Variants in ANKS3 observed in about 807,000 individuals in gnomAD.
ANKS3 encodes the protein ankyrin repeat and sterile alpha motif domain containing 3, also known as ankyrin repeat and SAM domain-containing protein 3.
In ANKS3, 62 loss-of-function variants were observed where a neutral mutation model predicts 80.7. That is an observed-to-expected ratio of 0.77 (90% CI 0.63 to 0.95). The LOEUF (loss-of-function observed/expected upper bound fraction) is 0.95. ANKS3 is among the 40% of genes least tolerant of loss of function. The probability of loss-of-function intolerance (pLI) is 0.00; values close to 1 mark genes in which losing one functional copy is unlikely to be tolerated. For synonymous variants in ANKS3, 489 were observed against 355.3 expected, an observed-to-expected ratio of 1.38 and a Z score of -4.23; for missense variants, 1,150 against 883.6, an observed-to-expected ratio of 1.30 and a Z score of -3.82.
At chr16:4,707,591 C>T (rs1046904502) in intron 7 of ANKS3, among the ~76,000 whole-genome samples, 2 of 152,108 alleles carry the variant, frequency 1.3e-5, no homozygotes, top group Non-Finnish European at 2.9e-5. Context: ...AAGGACACTT[C>T]TAATACTAAA....
chr16:4,696,928 G>T, intron 17 of ANKS3, 32 bp from the exon 18 acceptor site: 1 of 1,187,982 alleles, frequency 8.4e-7, no homozygotes, highest in Non-Finnish European at 1.2e-6. Context: ...AGAAGGGAGG[G>T]GGACAGGTGG....
chr16:4,732,889 T>A (rs2081723754), intron 1 of ANKS3, among the ~76,000 whole-genome samples: 1 of 151,846 alleles, frequency 6.6e-6, no homozygotes, highest in African/African-American at 2.4e-5. Flanking sequence ...TATTCAGCCA[T>A]AAAAAAAGAA....
Position 4,698,909 on chromosome 16 carries a change from G to T in ANKS3, c.1442C>A (p.Ala481Asp). ...LFGPKRKMTS[A>D]IARWHSSARP... ...GGCACTGCTGTGCCAGCGGGCAATG[G>T]CGGACGTCATCTTCCTCTTGGGCCC... is the stretch of plus-strand genomic sequence containing the variant. The change falls in exon 13 of 18, where the codon GCC becomes GAC. Residue 481 changes from alanine to aspartate, a missense_variant. Transcript: ENST00000304283. 6.3e-7 allele frequency: 1 copy of T among 1,599,286 alleles called. No homozygotes were observed. The highest frequency in any genetic ancestry group is 8.5e-7 in the Non-Finnish European group (1 of 1,171,282).
At chr16:4,703,096 A>C (rs2080004091) in intron 8 of ANKS3, among the ~76,000 whole-genome samples, 1 of 152,228 alleles carries the variant, frequency 6.6e-6, no homozygotes, top group Non-Finnish European at 1.5e-5. Flanking sequence ...TCTAATCAGC[A>C]CATGCTATTT....
intron 10 of ANKS3, 123 bp from the exon 11 acceptor site, chr16:4,701,257 C>T: frequency 2.0e-6 from 3 of 1,493,718 alleles, no homozygotes; most frequent in East Asian, 4.6e-5. Flanking sequence ...CACACAGGGG[C>T]TTCCGGTGCG....
intron 6 of ANKS3, among the ~76,000 whole-genome samples, chr16:4,716,236 T>C (rs191586565): frequency 0.012 from 1,801 of 151,410 alleles, 44 homozygotes; most frequent in African/African-American, 0.041. Context: ...GGTGGGCACC[T>C]GCAGTCCCAG....
Position 4,702,133 on chromosome 16 carries a change from A to G in ANKS3, c.978T>C (p.Asp326=), listed in dbSNP as rs841210. ...TGCTGCTGCTGCTGCTGCTCTCCAC[A>G]TCCCGCTCATTGATGGGGGAGGTGA... is the stretch of plus-strand genomic sequence containing the variant. ...RDVTSPINER[D]VESSSSSSSR... The change falls in exon 9 of 18, where the codon GAT becomes GAC. Residue 326 remains aspartate, a synonymous_variant. Coordinates refer to ENST00000304283, the MANE Select transcript of ANKS3 (RefSeq NM_133450.4). The G allele has an allele frequency of 0.56, 898,060 of 1,593,846 alleles. 254,910 individuals carry two copies. Among genetic ancestry groups the G allele is most frequent in the East Asian group, 0.66 (28,964 of 43,638 alleles).
intron 6 of ANKS3, among the ~76,000 whole-genome samples, chr16:4,717,072 T>C (rs1015975579): frequency 1.3e-5 from 2 of 148,816 alleles, no homozygotes; most frequent in African/African-American, 5.0e-5. Flanking sequence ...TAAAACCCCA[T>C]CTCTACTAAA....
At chr16:4,705,325 G>A (rs373107326) in intron 7 of ANKS3, 72 bp from the exon 8 acceptor site, 83 of 1,535,316 alleles carry the variant, frequency 5.4e-5, no homozygotes, top group East Asian at 5.3e-4. Flanking sequence ...ACGGCAAACT[G>A]AAAGAAAGTG....
At position 4,701,534 on chromosome 16, in the gene ANKS3, G is replaced by C; in HGVS notation, c.1019C>G (p.Ala340Gly). Residue 340 changes from alanine to glycine, a missense_variant, in exon 10 of 18, where the codon GCT becomes GGT. By Grantham distance (60) the Ala-to-Gly change is moderately conservative. Transcript: ENST00000304283. ...GACGGGCCCCAGGTTGGCACAGAAA[G>C]CATGTTCCTCTGAGGGCGGGAAGAC... ...SSSSSSREEH[A>G]FCANLGPVQS... 6.2e-7 allele frequency: 1 copy of C among 1,610,040 alleles called. No homozygotes were observed.
chr16:4,722,656 G>A (rs958372680), intron 6 of ANKS3, among the ~76,000 whole-genome samples: 2 of 151,686 alleles, frequency 1.3e-5, no homozygotes, highest in Admixed American at 6.6e-5. Context: ...AGTGGCTTAT[G>A]CCTGTAATCC....
chr16:4,699,257 C>A, intron 11 of ANKS3, 81 bp from the exon 12 acceptor site: 1 of 1,535,258 alleles, frequency 6.5e-7, no homozygotes, highest in Non-Finnish European at 8.8e-7. Context: ...GGAGCCCCAC[C>A]ACTTCCCCAG....
chr16:4,696,838 T>G lies in ANKS3; in HGVS notation c.*70A>C. ...CTGCACATGGCAGCTACCTGCTCACTGTCCTCCTCACTCCCTGGCACACAG... is the reference window on the plus strand; with the variant it reads ...CTGCACATGGCAGCTACCTGCTCACGGTCCTCCTCACTCCCTGGCACACAG... On this transcript the variant is annotated 3_prime_UTR_variant, in exon 18 of 18. Transcript: ENST00000304283. 1 of 648,950 alleles carries G rather than the reference T, an allele frequency of 1.5e-6. No homozygotes were observed. The highest frequency in any genetic ancestry group is 2.7e-6 in the Non-Finnish European group (1 of 371,942). 40.2% of individuals were successfully genotyped at this position (648,950 alleles called of 1,614,324 possible).
Position 4,699,096 on chromosome 16 carries a change from G to T in ANKS3, c.1365C>A (p.Ile455=). Residue 455 remains isoleucine, a synonymous_variant, in exon 12 of 18, where the codon ATC becomes ATA. Transcript: ENST00000304283. Reference sequence around the variant, plus strand: ...GGTCGCTCTCAGTGAGGGTCAGAAAGATGCGGAGGTCCACGTCCTGCTCCT... The same window carrying T: ...GGTCGCTCTCAGTGAGGGTCAGAAATATGCGGAGGTCCACGTCCTGCTCCT... The part of the protein sequence containing the change: ...VFEEQDVDLR[I]FLTLTESDLK... The T allele has an allele frequency of 1.2e-6, 2 of 1,614,202 alleles. No homozygotes were observed. The highest frequency in any genetic ancestry group is 1.7e-6 in the Non-Finnish European group (2 of 1,180,046).
chr16:4,703,842 T>C (rs1371536431), intron 8 of ANKS3, among the ~76,000 whole-genome samples: 4 of 151,734 alleles, frequency 2.6e-5, no homozygotes, highest in Admixed American at 2.0e-4. Context: ...TCTCTGTGGA[T>C]ACATACAAAG....
chr16:4,698,418 G>T lies in ANKS3; in HGVS notation c.1724+9C>A. On this transcript the variant is annotated intron_variant, in intron 14 of 17. Transcript: ENST00000304283. ...GAGACCCAGCCCAGGGCAGCTCAGA[G>T]CCACTCACCGCAGCTGGTCCAGGAC... is the stretch of plus-strand genomic sequence containing the variant. 6.6e-7 allele frequency: 1 copy of T among 1,505,532 alleles called. No individual in the cohort carries two copies. The allele number at this position is 1,505,532 out of a possible 1,614,324, so 93.3% of individuals were successfully genotyped here.
At chr16:4,731,859 C>G (rs576151904) in intron 1 of ANKS3, among the ~76,000 whole-genome samples, 1 of 152,138 alleles carries the variant, frequency 6.6e-6, no homozygotes, top group East Asian at 1.9e-4. Flanking sequence ...CCAGGAATCC[C>G]CAAATCAAGG....
chr16:4,699,432 A>C (rs1288387268), intron 11 of ANKS3: 2 of 525,878 alleles, frequency 3.8e-6, no homozygotes, highest in Non-Finnish European at 6.9e-6. Flanking sequence ...CTCCTCCCAC[A>C]CATGCTCAGT....
In ANKS3 at chr16:4,726,694, C is replaced by G. The variant is rs1338862896; in HGVS notation, c.456G>C (p.Arg152Ser). 6.2e-7 allele frequency: 1 copy of G among 1,614,216 alleles called. No individual in the cohort carries two copies. The highest frequency in any genetic ancestry group is 8.5e-7 in the Non-Finnish European group (1 of 1,180,026). ...CTSAGHQHMV[R>S]FLLDSGANAN... ...CATTGGCTCCACTGTCCAAGAGGAACCTGACCATGTGCTGGTGCCCGGCGC... is the reference window on the plus strand; with the variant it reads ...CATTGGCTCCACTGTCCAAGAGGAAGCTGACCATGTGCTGGTGCCCGGCGC... Residue 152 changes from arginine (R) to serine (S), a missense_variant, in exon 5 of 18, where the codon AGG becomes AGC. Coordinates refer to ENST00000304283, the MANE Select transcript of ANKS3 (RefSeq NM_133450.4).
Sources: gnomAD v4.1 joint callset for allele counts (sites outside exome capture counted in the v4.1 genomes callset) on GRCh38, gnomAD v4.1.1 for gene constraint, MANE v1.5 for transcripts, NCBI Gene and HGNC (gene_info 2026-07-23, HGNC 2026-07-21) for gene names.